DMD: variants seen among roughly 807,000 people sequenced by gnomAD.
DMD encodes the protein dystrophin.
Under a neutral mutation model 330.1 loss-of-function variants are expected in DMD, and 63 were observed. The observed-to-expected ratio is 0.19, with a 90% CI of 0.16 to 0.24. DMD has a LOEUF of 0.24. Among genes scored for constraint, DMD ranks in the 10% least tolerant of loss-of-function variants. The pLI is 1.00. For synonymous variants in DMD, 1,223 were observed against 959.8 expected (o/e 1.27, Z -5.07); for missense variants, 3,344 against 2,684.1 (o/e 1.25, Z -5.43).
chrX:32,724,448 C>A (rs1433292127), intron 7 of DMD, among the ~76,000 whole-genome samples: 15 of 111,350 alleles, frequency 1.3e-4, no homozygotes, highest in East Asian at 2.8e-4. Context: ...GGTTATTGAC[C>A]ATATGTATTT....
At chrX:31,837,811 A>G (rs1338870451) in intron 48 of DMD, among the ~76,000 whole-genome samples, 1 of 112,073 alleles carries the variant, frequency 8.9e-6, no homozygotes, top group East Asian at 2.8e-4. Context: ...CTATAATCTC[A>G]TACTGCCCAG....
intron 29 of DMD, among the ~76,000 whole-genome samples, chrX:32,423,414 T>A (rs2098198637): frequency 9.1e-6 from 1 of 110,218 alleles, no homozygotes; most frequent in Non-Finnish European, 1.9e-5. Context: ...TATTAAATAC[T>A]TAAATATTAA....
At chrX:31,364,969 C>T (rs187386792) in intron 60 of DMD, among the ~76,000 whole-genome samples, 8 of 108,945 alleles carry the variant, frequency 7.3e-5, no homozygotes, top group African/African-American at 2.3e-4. Flanking sequence ...GTGGCGGGCG[C>T]CTGTAATCCC....
chrX:32,186,442 T>C (rs962225707), intron 44 of DMD, among the ~76,000 whole-genome samples: 5 of 111,656 alleles, frequency 4.5e-5, no homozygotes, highest in African/African-American at 1.6e-4. Context: ...AATTTATAGA[T>C]AAAGATCAAC....
At chrX:31,292,920 G>T (rs1452689078) in intron 62 of DMD, among the ~76,000 whole-genome samples, 1 of 110,859 alleles carries the variant, frequency 9.0e-6, no homozygotes, top group Non-Finnish European at 1.9e-5. Flanking sequence ...GTGTTATAAG[G>T]CAGAGTAGCA....
At chrX:31,325,509 G>T (rs898821529) in intron 61 of DMD, among the ~76,000 whole-genome samples, 1 of 108,655 alleles carries the variant, frequency 9.2e-6, no homozygotes, top group Non-Finnish European at 1.9e-5. Flanking sequence ...AGCTACTCGG[G>T]AGACTGAGGC....
chrX:32,814,466 A>G (rs917601464), intron 6 of DMD, among the ~76,000 whole-genome samples: 1 of 112,160 alleles, frequency 8.9e-6, no homozygotes, highest in African/African-American at 3.2e-5. Flanking sequence ...AATTGTGCCA[A>G]CGACAATCGC....
At chrX:33,275,726 T>A (rs1231396553) in intron 1 of DMD, among the ~76,000 whole-genome samples, 1 of 111,746 alleles carries the variant, frequency 8.9e-6, no homozygotes, top group African/African-American at 3.3e-5. Context: ...TCCTAATGAT[T>A]CAACAGGACT....
chrX:31,552,034 C>A (rs2074518872), intron 55 of DMD, among the ~76,000 whole-genome samples: 1 of 112,359 alleles, frequency 8.9e-6, no homozygotes, highest in African/African-American at 3.2e-5. Flanking sequence ...GGTGCCCTGG[C>A]CACAATATTT....
rs1569560904 is a variant in DMD, at chrX:32,394,919, A to ACAAAC, written c.4234-4739_4234-4738insGTTTG. Reference sequence around the variant, plus strand: ...AGAAGAGCAAAAAACAAAAAAACAAAAAAAAAAAAAAAAAGAAAAGAAATC... The same window carrying ACAAAC: ...AGAAGAGCAAAAAACAAAAAAACAAACAAACAAAAAAAAAAAAAAGAAAAGAAATC... On this transcript the variant is annotated intron_variant, in intron 30 of 78. Coordinates refer to ENST00000357033, the MANE Select transcript of DMD (RefSeq NM_004006.3). Among the ~76,000 whole-genome samples, 7 of 73,779 alleles carry ACAAAC rather than the reference A, an allele frequency of 9.5e-5. 1 individual carries two copies. Among genetic ancestry groups the ACAAAC allele is most frequent in the African/African-American group, 3.4e-4 (7 of 20,684 alleles). 64.1% of individuals were successfully genotyped at this position (73,779 alleles called of 115,157 possible). A position where few individuals can be genotyped will look rare whatever the true frequency, so the allele number is the denominator to read the frequency against.
In DMD at chrX:32,609,927, T is replaced by A. The variant is rs759719720; in HGVS notation, c.1482+4376A>T. On this transcript the variant is annotated intron_variant, in intron 12 of 78. Transcript: ENST00000357033. ...TAGCTAGTAAACTCAGCTTTAAACT[T>A]CATCGCAGTCTCACTGTGCCAGGAG... Among the ~76,000 whole-genome samples, 7 of 111,202 alleles carry A rather than the reference T, an allele frequency of 6.3e-5. No homozygotes were observed. The South Asian group carries it at 2.6e-3, about 41-fold the overall frequency.
intron 44 of DMD, among the ~76,000 whole-genome samples, chrX:32,170,478 T>C (rs1361832086): frequency 9.3e-6 from 1 of 106,974 alleles, no homozygotes; most frequent in African/African-American, 3.4e-5. Context: ...TCTCAAATAA[T>C]AATAATAATA....
At chrX:32,164,875 G>A (rs1043685591) in intron 44 of DMD, among the ~76,000 whole-genome samples, 1 of 111,495 alleles carries the variant, frequency 9.0e-6, no homozygotes, top group Non-Finnish European at 1.9e-5. Context: ...GGATAAAAGG[G>A]GCCAAGGTAC....
At chrX:31,520,030 A>G (rs1663395698) in intron 55 of DMD, among the ~76,000 whole-genome samples, 1 of 112,377 alleles carries the variant, frequency 8.9e-6, no homozygotes, top group African/African-American at 3.2e-5. Context: ...TTAATGTATG[A>G]GGAAAAGGAG....
At chrX:32,711,545 G>A (rs187441883) in intron 7 of DMD, among the ~76,000 whole-genome samples, 1 of 111,694 alleles carries the variant, frequency 9.0e-6, no homozygotes, top group Non-Finnish European at 1.9e-5. Flanking sequence ...TCAACCGTTA[G>A]TTGTCTTTGA....
At chrX:32,923,317 T>C (rs764848567) in intron 2 of DMD, among the ~76,000 whole-genome samples, 1 of 111,456 alleles carries the variant, frequency 9.0e-6, no homozygotes, top group East Asian at 2.8e-4. Context: ...TCTCAATACT[T>C]TGGGAGGCCA....
intron 18 of DMD, among the ~76,000 whole-genome samples, chrX:32,515,834 T>C (rs2045804925): frequency 8.9e-6 from 1 of 111,841 alleles, no homozygotes; most frequent in African/African-American, 3.2e-5. Context: ...ATATTGGTGG[T>C]CCAGGGACAT....
rs149715577 is a variant in DMD, at chrX:32,856,310, A to G, written c.94-6490T>C. 8.6e-3 allele frequency among the ~76,000 whole-genome samples: 963 copies of G among 112,165 alleles called. 9 individuals carry two copies. The highest frequency in any genetic ancestry group is 0.051 in the East Asian group (181 of 3,553). On this transcript the variant is annotated intron_variant, in intron 2 of 78. Coordinates refer to ENST00000357033, the MANE Select transcript of DMD (RefSeq NM_004006.3). ...TAATCCAGCAATCCTACTGCCGGGTATATACCCAAAAGAAAGGAAATCAGT... is the reference window on the plus strand; with the variant it reads ...TAATCCAGCAATCCTACTGCCGGGTGTATACCCAAAAGAAAGGAAATCAGT...
chrX:32,951,907 G>A (rs1301328773), intron 2 of DMD, among the ~76,000 whole-genome samples: 2 of 110,811 alleles, frequency 1.8e-5, no homozygotes, highest in African/African-American at 3.3e-5. Flanking sequence ...CTAAGCCCTC[G>A]GGGCCTCTTG....
Sources: gnomAD v4.1 joint callset for allele counts (sites outside exome capture counted in the v4.1 genomes callset) on GRCh38, gnomAD v4.1.1 for gene constraint, MANE v1.5 for transcripts, NCBI Gene and HGNC (gene_info 2026-07-23, HGNC 2026-07-21) for gene names.